The following NTM variants were observed in gnomAD, a reference collection of about 807,000 sequenced individuals.
NTM encodes the protein IgLON family member 2.
Under a neutral mutation model 42.1 loss-of-function variants are expected in NTM, and 13 were observed. The ratio of observed to expected loss-of-function variants is 0.31; its 90% CI spans 0.20 to 0.49. The LOEUF is 0.49. Ranked by LOEUF, NTM falls within the 20% of genes least tolerant of loss-of-function variation. The pLI is 0.99. For synonymous variants in NTM, 187 were observed against 179.2 expected (o/e 1.04, Z -0.35); for missense variants, 373 against 452.8 (o/e 0.82, Z 1.60).
At chr11:131,693,737 C>T (rs1162634284) in intron 1 of NTM, among the ~76,000 whole-genome samples, 1 of 152,216 alleles carries the variant, frequency 6.6e-6, no homozygotes, top group Non-Finnish European at 1.5e-5. Flanking sequence ...ATTGTGGCTG[C>T]AGAGACAAAG....
chr11:132,081,471 G>A (rs1010511760), intron 2 of NTM, among the ~76,000 whole-genome samples: 3 of 152,100 alleles, frequency 2.0e-5, no homozygotes, highest in Admixed American at 6.5e-5. Flanking sequence ...GGTGGCTCGC[G>A]CCTGTAATCC....
rs1368679367 is a variant in NTM, at chr11:132,214,013, C to CT, written c.526+1866_526+1867insT. On this transcript the variant is annotated intron_variant, in intron 4 of 8. Transcript: ENST00000683400. ...CCTCCCAAAGTGCTGGGATTACAGG[C>CT]GTGAGCCACCGCGCCCGGCGGGCCA... 1.1e-4 allele frequency among the ~76,000 whole-genome samples: 7 copies of CT among 61,392 alleles called. 1 individual carries two copies. The highest frequency in any genetic ancestry group is 3.1e-4 in the Non-Finnish European group (7 of 22,558). The allele number at this position is 61,392 out of a possible 152,430, so 40.3% of individuals were successfully genotyped here.
At chr11:132,102,919 T>C (rs1173717640) in intron 2 of NTM, among the ~76,000 whole-genome samples, 2 of 152,208 alleles carry the variant, frequency 1.3e-5, no homozygotes, top group African/African-American at 4.8e-5. Context: ...CAAATGCCTC[T>C]TGTTGAGGCA....
chr11:131,634,120 G>A (rs1272654238), intron 1 of NTM, among the ~76,000 whole-genome samples: 2 of 152,162 alleles, frequency 1.3e-5, no homozygotes, highest in Non-Finnish European at 2.9e-5. Flanking sequence ...GTAAACAGGA[G>A]TGGTTGGTAA....
intron 2 of NTM, among the ~76,000 whole-genome samples, chr11:132,050,432 G>T (rs975622143): frequency 6.6e-6 from 1 of 152,174 alleles, no homozygotes; most frequent in Non-Finnish European, 1.5e-5. Flanking sequence ...AACAAAGTTG[G>T]GGGGAAAGGG....
chr11:132,280,911 C>T (rs1417684939), intron 4 of NTM, among the ~76,000 whole-genome samples: 2 of 152,214 alleles, frequency 1.3e-5, no homozygotes, highest in East Asian at 1.9e-4. Context: ...TCATTGCCCA[C>T]AGGGCAGTCA....
rs972096975 is a variant in NTM at position 131,795,120 on chromosome 11, A to C, written c.83-116444A>C. On this transcript the variant is annotated intron_variant, in intron 1 of 8. Coordinates refer to ENST00000683400, the MANE Select transcript of NTM (RefSeq NM_001352005.2). ...TGTTTATTCTTTACTTTTTCATTAA[A>C]AGTATTGTATTAAAGTATGCATCTC... 9.4e-5 allele frequency: 48 copies of C among 509,936 alleles called. No homozygotes were observed. The African/African-American group carries it at 9.6e-4, about 10-fold the overall frequency. 31.6% of individuals were successfully genotyped at this position (509,936 alleles called of 1,614,324 possible).
chr11:131,702,489 G>A (rs1271073753), intron 1 of NTM, among the ~76,000 whole-genome samples: 1 of 152,160 alleles, frequency 6.6e-6, no homozygotes, highest in East Asian at 1.9e-4. Context: ...CGAGCAGGTG[G>A]TGGTATTGGG....
intron 4 of NTM, among the ~76,000 whole-genome samples, chr11:132,293,091 A>T (rs1449891442): frequency 6.6e-6 from 1 of 152,132 alleles, no homozygotes; most frequent in Non-Finnish European, 1.5e-5. Flanking sequence ...GGTCACAGAG[A>T]ATAGTGGTAG....
At chr11:131,560,106 G>T (rs375705619) in intron 1 of NTM, among the ~76,000 whole-genome samples, 1 of 152,198 alleles carries the variant, frequency 6.6e-6, no homozygotes, top group Non-Finnish European at 1.5e-5. Flanking sequence ...GCTGCCCCAC[G>T]TGTCTTCAGG....
intron 1 of NTM, chr11:131,794,891 C>A (rs1159409395): frequency 8.1e-6 from 8 of 985,208 alleles, no homozygotes; most frequent in Admixed American, 1.2e-4. Flanking sequence ...GATGGCCACC[C>A]TTGTCACTGC....
At chr11:132,044,142 ATG>A (rs1242571012) in intron 2 of NTM, among the ~76,000 whole-genome samples, 36 of 42,314 alleles carry the variant, frequency 8.5e-4, no homozygotes, top group Non-Finnish European at 1.3e-3. Flanking sequence ...GTGTGTGTGT[ATG>A]TGCGTGTGTG....
intron 1 of NTM, among the ~76,000 whole-genome samples, chr11:131,375,022 G>A (rs1941769647): frequency 6.6e-6 from 1 of 152,084 alleles, no homozygotes; most frequent in South Asian, 2.1e-4. Flanking sequence ...AACCCACATT[G>A]CTCTCTCTCT....
At chr11:131,963,999 C>G (rs1472321238) in intron 2 of NTM, among the ~76,000 whole-genome samples, 1 of 152,150 alleles carries the variant, frequency 6.6e-6, no homozygotes, top group Non-Finnish European at 1.5e-5. Flanking sequence ...ATAAGTCTGT[C>G]TTACATGGCT....
intron 1 of NTM, among the ~76,000 whole-genome samples, chr11:131,691,692 C>T (rs2074761248): frequency 6.6e-6 from 1 of 152,312 alleles, no homozygotes; most frequent in South Asian, 2.1e-4. Context: ...CGCGCTCCCG[C>T]TCGGCCCCGC....
At chr11:131,559,703 C>A (rs1392233720) in intron 1 of NTM, among the ~76,000 whole-genome samples, 1 of 152,194 alleles carries the variant, frequency 6.6e-6, no homozygotes, top group Non-Finnish European at 1.5e-5. Context: ...TGGTCTAGGG[C>A]TAGTGGAGCA....
chr11:131,744,652 G>A (rs1033374938), intron 1 of NTM, among the ~76,000 whole-genome samples: 3 of 152,138 alleles, frequency 2.0e-5, no homozygotes, highest in African/African-American at 7.2e-5. Context: ...TCCTAATTGT[G>A]TTGTTCCTGG....
chr11:132,290,283 A>C (rs2094413035), intron 4 of NTM, among the ~76,000 whole-genome samples: 1 of 152,002 alleles, frequency 6.6e-6, no homozygotes, highest in Admixed American at 6.6e-5. Context: ...TTATCACTGT[A>C]CACATGTAAT....
intron 1 of NTM, among the ~76,000 whole-genome samples, chr11:131,698,182 A>G (rs2075680171): frequency 6.6e-6 from 1 of 152,164 alleles, no homozygotes; most frequent in Non-Finnish European, 1.5e-5. Flanking sequence ...CTTATGGAAC[A>G]TTCCACAACC....
Sources: gnomAD v4.1 joint callset for allele counts (sites outside exome capture counted in the v4.1 genomes callset) on GRCh38, gnomAD v4.1.1 for gene constraint, MANE v1.5 for transcripts, NCBI Gene and HGNC (gene_info 2026-07-23, HGNC 2026-07-21) for gene names.